Variants in BLVRB observed in about 807,000 individuals in gnomAD.
The protein encoded by BLVRB is flavin reductase (NADPH).
BLVRB carries 25 observed loss-of-function variants against 21.1 expected under a neutral mutation model. The ratio of observed to expected loss-of-function variants is 1.19; its 90% confidence interval spans 0.86 to 1.66. The LOEUF is 1.66. BLVRB is among the 40% of genes most tolerant of loss of function. The pLI is 0.00. For synonymous variants in BLVRB, 128 were observed against 122.2 expected, an observed-to-expected ratio of 1.05 and a Z score of -0.31; for missense variants, 274 against 282.7, an observed-to-expected ratio of 0.97 and a Z score of 0.22.
rs1201470731 is a variant in BLVRB, at chr19:40,464,768, T to C, written c.79+842A>G. ...AGTCCCTCCAAGGGAGACAGCAGAG[T>C]GGGGTCCTGTTGGCCTCCACCCTTT... On this transcript the variant is annotated intron_variant, in intron 1 of 4. Coordinates refer to ENST00000263368, the MANE Select transcript of BLVRB (RefSeq NM_000713.3). Among the ~76,000 whole-genome samples the C allele has an allele frequency of 3.3e-5, 5 of 151,966 alleles. No homozygotes were observed. In the East Asian group the frequency reaches 9.7e-4, roughly 29 times the overall value.
chr19:40,457,657 T>TATAAATAAATAAATAA (rs58546860), intron 3 of BLVRB: 9 of 124,792 alleles, frequency 7.2e-5, no homozygotes, highest in African/African-American at 2.2e-4. Flanking sequence ...TCAAAATAAC[T>TATAAATAAATAAATAA]ATAAATAAAT....
Position 40,447,987 on chromosome 19 carries a change from C to A in BLVRB, c.523G>T (p.Val175Phe). ...VTLDGRGPSRVISKHDLGHFM... is the reference protein window; with the variant it reads ...VTLDGRGPSRFISKHDLGHFM... Reference sequence around the variant, plus strand: ...TGGCCCAGGTCATGTTTGGAGATGACCCTTGAGGGCCCTCGTCCATCCAGG... The same window carrying A: ...TGGCCCAGGTCATGTTTGGAGATGAACCTTGAGGGCCCTCGTCCATCCAGG... The change falls in exon 5 of 5, where the codon GTC (valine) becomes TTC (phenylalanine). Residue 175 changes from valine (V) to phenylalanine (F), a missense_variant. By Grantham distance (50) the Val-to-Phe change is conservative (BLOSUM62 -1). Transcript: ENST00000263368. 1.2e-6 allele frequency: 2 copies of A among 1,614,042 alleles called. No homozygotes were observed. The highest frequency in any genetic ancestry group is 1.1e-5 in the South Asian group (1 of 91,076).
rs1312029830 is a variant in BLVRB, at chr19:40,458,254, G to T, written c.245-10C>A. On this transcript the variant is annotated splice_polypyrimidine_tract_variant and intron_variant, in intron 2 of 4. Coordinates refer to ENST00000263368, the MANE Select transcript of BLVRB (RefSeq NM_000713.3). The stretch of plus-strand genomic sequence containing the variant: ...ATCACTGTCGTGGGACCTTAGAGGG[G>T]ACAGAGAGTGGCTGTCACTGGTGGG... The T allele has an allele frequency of 6.3e-7, 1 of 1,597,936 alleles. No individual in the cohort carries two copies. The highest frequency in any genetic ancestry group is 8.5e-7 in the Non-Finnish European group (1 of 1,170,802).
intron 4 of BLVRB, among the ~76,000 whole-genome samples, chr19:40,449,051 C>T (rs2079727448): frequency 6.6e-6 from 1 of 151,670 alleles, no homozygotes; most frequent in South Asian, 2.1e-4. Context: ...GCGCTCCAGC[C>T]TGGGCTACAG....
intron 3 of BLVRB, among the ~76,000 whole-genome samples, chr19:40,454,302 T>C (rs1214417256): frequency 6.6e-6 from 1 of 151,870 alleles, no homozygotes; most frequent in Non-Finnish European, 1.5e-5. Context: ...CTAGTTTTTG[T>C]ATTTTTGGTA....
chr19:40,448,638 T>TATAG (rs2079725722), intron 4 of BLVRB, among the ~76,000 whole-genome samples: 1 of 116,166 alleles, frequency 8.6e-6, no homozygotes, highest in Non-Finnish European at 1.8e-5. Context: ...TATATATATA[T>TATAG]ATATATTTGT....
chr19:40,450,012 A>G (rs1280184337), intron 4 of BLVRB, among the ~76,000 whole-genome samples: 1 of 150,836 alleles, frequency 6.6e-6, no homozygotes, highest in African/African-American at 2.4e-5. Flanking sequence ...ATCTTGGCCA[A>G]TATGGTGAAA....
rs57153004 is a variant in BLVRB, at chr19:40,460,247, C to CATAT, written c.80-1706_80-1703dup. ...ACATTTGGGTATACTGTAATAGCAACATATATATATATATATATATATATA... is the reference window on the plus strand; with the variant it reads ...ACATTTGGGTATACTGTAATAGCAACATATATATATATATATATATATATATATA... On this transcript the variant is annotated intron_variant, in intron 1 of 4. Coordinates refer to ENST00000263368, the MANE Select transcript of BLVRB (RefSeq NM_000713.3). Among the ~76,000 whole-genome samples the CATAT allele has an allele frequency of 8.3e-3, 1,011 of 121,112 alleles. 35 individuals are homozygous for CATAT. The highest frequency in any genetic ancestry group is 0.015 in the South Asian group (56 of 3,808). 79.5% of individuals were successfully genotyped at this position (121,112 alleles called of 152,430 possible).
intron 3 of BLVRB, among the ~76,000 whole-genome samples, chr19:40,455,613 C>T (rs113768631): frequency 0.018 from 2,694 of 152,040 alleles, 76 homozygotes; most frequent in African/African-American, 0.062. Context: ...CAGGAGAATC[C>T]CTTGAACCCA....
intron 3 of BLVRB, chr19:40,457,548 A>C (rs2079766812): frequency 6.6e-6 from 1 of 151,588 alleles, no homozygotes; most frequent in African/African-American, 2.4e-5. Context: ...CACTTGAGGC[A>C]GGAGAACCAC....
At chr19:40,461,097 G>T (rs2079785577) in intron 1 of BLVRB, among the ~76,000 whole-genome samples, 1 of 152,182 alleles carries the variant, frequency 6.6e-6, no homozygotes, top group Admixed American at 6.5e-5. Flanking sequence ...TGGCCAGGCT[G>T]GTCTCGAACT....
At chr19:40,454,969 G>A (rs1433044501) in intron 3 of BLVRB, among the ~76,000 whole-genome samples, 3 of 152,064 alleles carry the variant, frequency 2.0e-5, no homozygotes, top group Non-Finnish European at 2.9e-5. Context: ...AGCTTCCCAA[G>A]TATTGGGGAC....
chr19:40,457,249 G>A (rs563428945), intron 3 of BLVRB, among the ~76,000 whole-genome samples: 4 of 151,740 alleles, frequency 2.6e-5, no homozygotes, highest in Non-Finnish European at 5.9e-5. Flanking sequence ...GAGGAAAAAA[G>A]CCATAAATGA....
chr19:40,458,418 G>T lies in BLVRB; in HGVS notation c.207C>A (p.Asp69Glu), dbSNP rs144849024. 1.3e-6 allele frequency: 2 copies of T among 1,592,206 alleles called. No homozygotes were observed. Among genetic ancestry groups the T allele is most frequent in the South Asian group, 2.3e-5 (2 of 87,580 alleles). The change falls in exon 2 of 5, where the codon GAC (aspartate) becomes GAA (glutamate). Residue 69 changes from aspartate to glutamate, a missense_variant. Asp to Glu is a conservative substitution (Grantham distance 45, BLOSUM62 2). Coordinates refer to ENST00000263368, the MANE Select transcript of BLVRB (RefSeq NM_000713.3). ...GGGTGCCCAGCAGCACGATGACAGC[G>T]TCCTGCCCAGCCACGGTCTTGTCCA... ...ADVDKTVAGQ[D>E]AVIVLLGTRN... is the part of the protein sequence containing the mutation.
At chr19:40,449,236 A>G (rs62106980) in intron 4 of BLVRB, among the ~76,000 whole-genome samples, 20,095 of 151,792 alleles carry the variant, frequency 0.13, 1,449 homozygotes, top group South Asian at 0.18. Flanking sequence ...AAAAGGGCAG[A>G]GTGGGTTGAA....
intron 3 of BLVRB, among the ~76,000 whole-genome samples, chr19:40,455,892 G>A (rs116300898): frequency 0.011 from 1,744 of 152,116 alleles, 36 homozygotes; most frequent in African/African-American, 0.039. Flanking sequence ...CTGGTGGATC[G>A]CTTGAGTCCG....
intron 3 of BLVRB, among the ~76,000 whole-genome samples, chr19:40,456,239 T>C (rs559229748): frequency 1.5e-4 from 23 of 152,240 alleles, no homozygotes; most frequent in African/African-American, 5.1e-4. Context: ...CTTTCAATTT[T>C]TCTGTAAGTT....
At chr19:40,461,067 A>AG (rs1253122041) in intron 1 of BLVRB, among the ~76,000 whole-genome samples, 1 of 152,236 alleles carries the variant, frequency 6.6e-6, no homozygotes, top group African/African-American at 2.4e-5. Context: ...AATTAAAAAA[A>AG]GAGATGGGGT....
chr19:40,458,372 GC>G lies in BLVRB; in HGVS notation c.244+8del. ...GGGGAGGGCCGTGGGCAGAGGGGGG[GC>G]TCAGTACTGAGGTCATTGCGGGTGC... On this transcript the variant is annotated splice_region_variant and intron_variant, in intron 2 of 4. Transcript: ENST00000263368. The G allele has an allele frequency of 1.3e-6, 2 of 1,570,922 alleles. No homozygotes were observed. Among genetic ancestry groups the G allele is most frequent in the South Asian group, 1.2e-5 (1 of 85,872 alleles).
Sources: gnomAD v4.1 joint callset for allele counts (sites outside exome capture counted in the v4.1 genomes callset) on GRCh38, gnomAD v4.1.1 for gene constraint, MANE v1.5 for transcripts, NCBI Gene and HGNC (gene_info 2026-07-23, HGNC 2026-07-21) for gene names.